Variants in HSF2BP observed in about 807,000 individuals in gnomAD.
HSF2BP encodes the protein heat shock transcription factor 2 binding protein, also known as heat shock factor 2-binding protein.
In HSF2BP, 35 loss-of-function variants were observed where a neutral mutation model predicts 35.0. The ratio of observed to expected loss-of-function variants is 1.00; its 90% CI spans 0.76 to 1.32. HSF2BP has a LOEUF of 1.32. Among genes scored for constraint, HSF2BP ranks in the 40% most tolerant of loss-of-function variants. The pLI is 0.00. For missense variants in HSF2BP, 326 were observed against 321.7 expected, an observed-to-expected ratio of 1.01 and a Z score of -0.10; for synonymous variants, 114 against 117.4, an observed-to-expected ratio of 0.97 and a Z score of 0.18.
intron 6 of HSF2BP, among the ~76,000 whole-genome samples, chr21:43,626,968 A>G (rs1269783108): frequency 6.6e-6 from 1 of 152,008 alleles, no homozygotes; most frequent in Non-Finnish European, 1.5e-5. Context: ...CCCAGGTTCA[A>G]GCAATTCTCC....
intron 7 of HSF2BP, among the ~76,000 whole-genome samples, chr21:43,604,411 T>C (rs907099187): frequency 0.016 from 754 of 46,756 alleles, no homozygotes; most frequent in Middle Eastern, 0.04. Flanking sequence ...ACACACACCA[T>C]ACACACCCCA....
intron 4 of HSF2BP, among the ~76,000 whole-genome samples, chr21:43,635,559 T>G (rs1409472707): frequency 6.6e-6 from 1 of 152,064 alleles, no homozygotes; most frequent in African/African-American, 2.4e-5. Flanking sequence ...GGAAAAAGGA[T>G]AGTCTTTTCA....
chr21:43,650,702 CTTTTTTTTTTT>C (rs998092548), intron 3 of HSF2BP, among the ~76,000 whole-genome samples: 3 of 99,284 alleles, frequency 3.0e-5, no homozygotes, highest in African/African-American at 1.2e-4. Context: ...TTCAGGCTTG[CTTTTTTTTTTT>C]TTTTTTTTTT....
chr21:43,619,795 T>G (rs1180546566), intron 6 of HSF2BP, among the ~76,000 whole-genome samples: 1 of 152,220 alleles, frequency 6.6e-6, no homozygotes, highest in Admixed American at 6.5e-5. Flanking sequence ...GCAGAACTAC[T>G]ATTCCCAGCC....
At chr21:43,657,570 C>G (rs1023457464) in intron 2 of HSF2BP, among the ~76,000 whole-genome samples, 1 of 152,208 alleles carries the variant, frequency 6.6e-6, no homozygotes, top group Non-Finnish European at 1.5e-5. Flanking sequence ...CTAGATGACT[C>G]TCAATGCAGC....
chr21:43,640,343 A>G (rs1359647556), intron 4 of HSF2BP, among the ~76,000 whole-genome samples: 3 of 152,342 alleles, frequency 2.0e-5, no homozygotes, highest in Admixed American at 2.0e-4. Context: ...ACGTTATGAC[A>G]TTCTTGAGAT....
chr21:43,627,869 TAATTCTTGCA>T (rs894651902), intron 6 of HSF2BP, among the ~76,000 whole-genome samples: 3 of 152,248 alleles, frequency 2.0e-5, no homozygotes, highest in Admixed American at 1.3e-4. Flanking sequence ...CACATTTTGG[TAATTCTTGCA>T]ATAGTTGAAA....
At chr21:43,657,235 T>C (rs192135924) in intron 2 of HSF2BP, among the ~76,000 whole-genome samples, 179 of 152,204 alleles carry the variant, frequency 1.2e-3, no homozygotes, top group African/African-American at 4.1e-3. Context: ...CCAGGTGTGG[T>C]GGCCGGCGCC....
intron 3 of HSF2BP, among the ~76,000 whole-genome samples, chr21:43,647,491 A>G (rs1271483154): frequency 2.0e-5 from 3 of 152,100 alleles, no homozygotes; most frequent in Admixed American, 6.5e-5. Flanking sequence ...TTGGCCTCCC[A>G]AAGTGCTGGG....
the HSF2BP span, among the ~76,000 whole-genome samples, chr21:43,506,012 T>C: frequency 1.5e-5 from 2 of 129,136 alleles, 1 homozygote; most frequent in Non-Finnish European, 3.3e-5. Context: ...TTGGGTCCTG[T>C]TGAAGACTCC....
chr21:43,591,134 A>G lies in HSF2BP; in HGVS notation c.796+1091T>C, dbSNP rs370903657. Among the ~76,000 whole-genome samples, 15 of 152,376 alleles carry G rather than the reference A, an allele frequency of 9.8e-5. No homozygotes were observed. In the East Asian group the frequency reaches 2.3e-3, roughly 23 times the overall value. Reference sequence around the variant, plus strand: ...TAATTTATTTTTATACATGGGTGAAATGTATACTCATTAAACAACATATAG... The same window carrying G: ...TAATTTATTTTTATACATGGGTGAAGTGTATACTCATTAAACAACATATAG... On this transcript the variant is annotated intron_variant, in intron 8 of 8. Coordinates refer to ENST00000291560, the MANE Select transcript of HSF2BP (RefSeq NM_007031.2).
At position 43,656,573 on chromosome 21, in the gene HSF2BP, A is replaced by G; in HGVS notation, c.187+14T>C. The G allele has an allele frequency of 6.2e-7, 1 of 1,604,052 alleles. No individual in the cohort carries two copies. The highest frequency in any genetic ancestry group is 8.5e-7 in the Non-Finnish European group (1 of 1,176,874). On this transcript the variant is annotated intron_variant, in intron 3 of 8. Transcript: ENST00000291560. ...TACTGTTACCACCAATGACTGCTGA[A>G]AATGAAGACTCACTTTTTTCTACAA...
At chr21:43,626,839 T>A (rs2082395309) in intron 6 of HSF2BP, among the ~76,000 whole-genome samples, 1 of 151,742 alleles carries the variant, frequency 6.6e-6, no homozygotes, top group African/African-American at 2.4e-5. Flanking sequence ...TACTCACTAG[T>A]ACATTCCACC....
At chr21:43,655,629 C>T (rs1481827852) in intron 3 of HSF2BP, among the ~76,000 whole-genome samples, 1 of 152,162 alleles carries the variant, frequency 6.6e-6, no homozygotes, top group Non-Finnish European at 1.5e-5. Flanking sequence ...CAACCTCTCT[C>T]TCCACCCAGC....
chr21:43,651,382 AACC>A (rs2082784087), intron 3 of HSF2BP, among the ~76,000 whole-genome samples: 1 of 152,132 alleles, frequency 6.6e-6, no homozygotes, highest in South Asian at 2.1e-4. Context: ...GTCCTGACTT[AACC>A]ACCAAGACTA....
In HSF2BP at chr21:43,659,270, C is replaced by T. The variant is rs1198890363; in HGVS notation, c.-225+116G>A. On this transcript the variant is annotated intron_variant, in intron 1 of 8. Transcript: ENST00000291560. The surrounding 1 kb of genome is among the most constrained non-coding windows in gnomAD (Gnocchi z 4.2). Reference sequence around the variant, plus strand: ...CAGGATCACCGCCAAGATCGCGCCACTGCATTCCAGCCTGGGCGACAGAGG... The same window carrying T: ...CAGGATCACCGCCAAGATCGCGCCATTGCATTCCAGCCTGGGCGACAGAGG... 6.5e-6 allele frequency: 1 copy of T among 152,914 alleles called. No individual in the cohort carries two copies. The highest frequency in any genetic ancestry group is 1.5e-5 in the Non-Finnish European group (1 of 68,590). The allele number at this position is 152,914 out of a possible 1,614,324, so 9.5% of individuals were successfully genotyped here.
At chr21:43,584,239 G>A (rs2081816339) in intron 8 of HSF2BP, among the ~76,000 whole-genome samples, 1 of 152,154 alleles carries the variant, frequency 6.6e-6, no homozygotes. Flanking sequence ...CCTGATGAGG[G>A]AGATGAGGGA....
At chr21:43,652,606 G>A (rs759611884) in intron 3 of HSF2BP, among the ~76,000 whole-genome samples, 26 of 152,128 alleles carry the variant, frequency 1.7e-4, no homozygotes, top group Non-Finnish European at 3.4e-4. Context: ...AGACAGGCTC[G>A]TGGGAAGGCT....
chr21:43,600,439 A>G (rs1027420128), intron 7 of HSF2BP, among the ~76,000 whole-genome samples: 6 of 152,216 alleles, frequency 3.9e-5, no homozygotes, highest in Admixed American at 6.5e-5. Context: ...CTACTGTACA[A>G]TAAGTAATAA....
Sources: allele counts gnomAD v4.1 joint callset (sites outside exome capture counted in the v4.1 genomes callset), GRCh38; gene constraint gnomAD v4.1.1; non-coding constraint Gnocchi (gnomAD v3.1); transcripts MANE v1.5; gene names NCBI Gene and HGNC (gene_info 2026-07-23, HGNC 2026-07-21).